NIPBL: variants seen among roughly 807,000 people sequenced by gnomAD.
NIPBL encodes NIPBL cohesin loading factor.
NIPBL carries 19 observed loss-of-function variants against 321.8 expected under a neutral mutation model. The observed-to-expected ratio is 0.06, with a 90% CI of 0.04 to 0.09. NIPBL has a LOEUF of 0.09. Among genes scored for constraint, NIPBL ranks in the 10% least tolerant of loss-of-function variants. The probability of loss-of-function intolerance (pLI) is 1.00; values close to 1 mark genes in which losing one functional copy is unlikely to be tolerated. For synonymous variants in NIPBL, 1,106 were observed against 1,114.1 expected (o/e 0.99, Z 0.14); for missense variants, 2,210 against 3,327.0 (o/e 0.66, Z 8.26).
At chr5:37,020,095 C>A (rs1304118894) in intron 25 of NIPBL, among the ~76,000 whole-genome samples, 1 of 152,126 alleles carries the variant, frequency 6.6e-6, no homozygotes, top group Non-Finnish European at 1.5e-5. Context: ...AAGTCTTCTA[C>A]CTTCAGCATT....
At chr5:37,029,196 A>G (rs192013033) in intron 32 of NIPBL, among the ~76,000 whole-genome samples, 2 of 152,332 alleles carry the variant, frequency 1.3e-5, no homozygotes, top group East Asian at 1.9e-4. Context: ...GTCCAACACA[A>G]TGAACATACA....
intron 23 of NIPBL, 70 bp from the exon 24 acceptor site, chr5:37,016,949 T>C: frequency 1.9e-6 from 2 of 1,077,732 alleles, no homozygotes; most frequent in Non-Finnish European, 2.6e-6. Flanking sequence ...ATTGGGAATT[T>C]ATATGATAAA....
chr5:37,044,423 G>A lies in NIPBL; in HGVS notation c.6185G>A (p.Ser2062Asn). Reference protein sequence around the residue: ...ELVVPLMEHPSETFLATIEED... With the variant: ...ELVVPLMEHPNETFLATIEED... ...GTTGTACCACTGATGGAGCATCCAA[G>A]TGAAACTTTTCTTGCCACTATTGAG... Residue 2062 changes from serine to asparagine, a missense_variant, in exon 35 of 47, where the codon AGT becomes AAT. Transcript: ENST00000282516. The A allele has an allele frequency of 6.2e-7, 1 of 1,614,010 alleles. No homozygotes were observed. The highest frequency in any genetic ancestry group is 8.5e-7 in the Non-Finnish European group (1 of 1,179,918).
In NIPBL at chr5:36,985,551, C is replaced by T. The variant is rs1422004883; in HGVS notation, c.2371C>T (p.Pro791Ser). ...KHKQDTKSDS[P>S]RLKSERAEAL... Reference sequence around the variant, plus strand: ...TAAACAAGATACTAAATCTGACTCACCTCGGTTAAAATCAGAACGAGCTGA... The same window carrying T: ...TAAACAAGATACTAAATCTGACTCATCTCGGTTAAAATCAGAACGAGCTGA... Residue 791 changes from proline (P) to serine (S), a missense_variant, in exon 10 of 47, where the codon CCT becomes TCT. Physicochemically the swap from Pro to Ser is moderately conservative, Grantham distance 74 (BLOSUM62 -1). Transcript: ENST00000282516. The T allele has an allele frequency of 1.2e-6, 2 of 1,613,778 alleles. No homozygotes were observed. Among genetic ancestry groups the T allele is most frequent in the South Asian group, 1.1e-5 (1 of 91,080 alleles).
In NIPBL at chr5:36,933,180, A is replaced by T. The variant is rs1749911693; in HGVS notation, c.-79-20438A>T. ...TTTTAAAAACATACTGTTTTTTAAAAATGTACTGTTTTTAAAATCCTAATT... is the reference window on the plus strand; with the variant it reads ...TTTTAAAAACATACTGTTTTTTAAATATGTACTGTTTTTAAAATCCTAATT... On this transcript the variant is annotated intron_variant, in intron 1 of 46. Transcript: ENST00000282516. Among the ~76,000 whole-genome samples the T allele has an allele frequency of 2.0e-5, 3 of 152,204 alleles. No homozygotes were observed. In the South Asian group the frequency reaches 6.2e-4, roughly 32 times the overall value.
chr5:37,010,004 G>A (rs1424681753), intron 20 of NIPBL, 83 bp from the exon 21 acceptor site: 2 of 1,054,666 alleles, frequency 1.9e-6, no homozygotes, highest in Non-Finnish European at 2.9e-6. Flanking sequence ...GGCAAACACA[G>A]TATCGTGAAA....
At chr5:37,014,811 G>A in intron 22 of NIPBL, 46 bp downstream of exon 22, 1 of 1,098,502 alleles carries the variant, frequency 9.1e-7, no homozygotes. Flanking sequence ...CCACAGTATA[G>A]AGAATAGTTC....
chr5:37,018,041 T>C (rs556388245), intron 24 of NIPBL, among the ~76,000 whole-genome samples: 6 of 152,288 alleles, frequency 3.9e-5, no homozygotes, highest in African/African-American at 1.4e-4. Flanking sequence ...TTTCCAAGTA[T>C]GATCCCCTTG....
chr5:37,038,380 A>G (rs1018985582), intron 33 of NIPBL, among the ~76,000 whole-genome samples: 3 of 150,624 alleles, frequency 2.0e-5, no homozygotes. Flanking sequence ...CTTGCCTTCT[A>G]TAGAGAGCAT....
At chr5:37,061,653 T>G (rs991815960) in intron 45 of NIPBL, among the ~76,000 whole-genome samples, 1 of 152,108 alleles carries the variant, frequency 6.6e-6, no homozygotes, top group Non-Finnish European at 1.5e-5. Flanking sequence ...CACCCCATAC[T>G]GGGTGACAGG....
intron 1 of NIPBL, among the ~76,000 whole-genome samples, chr5:36,919,115 T>C (rs1019961267): frequency 1.3e-5 from 2 of 152,180 alleles, no homozygotes; most frequent in African/African-American, 4.8e-5. Context: ...AGCTCCTCCT[T>C]GTACCTCTGG....
At chr5:36,918,353 G>A (rs1748642841) in intron 1 of NIPBL, among the ~76,000 whole-genome samples, 1 of 152,126 alleles carries the variant, frequency 6.6e-6, no homozygotes, top group African/African-American at 2.4e-5. Flanking sequence ...AAGAATGCTT[G>A]TGATTTTTGC....
At chr5:36,903,477 T>G (rs752030428) in intron 1 of NIPBL, among the ~76,000 whole-genome samples, 7 of 152,192 alleles carry the variant, frequency 4.6e-5, no homozygotes, top group Non-Finnish European at 1.0e-4. Flanking sequence ...ATTATTTTCA[T>G]ATTGTAATTA....
At chr5:37,007,300 A>C in intron 17 of NIPBL, 23 bp from the exon 18 acceptor site, 2 of 1,602,922 alleles carry the variant, frequency 1.2e-6, no homozygotes, top group Non-Finnish European at 1.7e-6. Context: ...TGTTTTCCTT[A>C]TCTTGAATTT....
At chr5:37,010,311 CT>C (rs1005849836) in intron 21 of NIPBL, 86 bp downstream of exon 21, 111 of 1,126,378 alleles carry the variant, frequency 9.9e-5, no homozygotes, top group Middle Eastern at 8.6e-4. Flanking sequence ...AACTGAAGTT[CT>C]TTTTTTTTCT....
rs1580319373 is a variant in NIPBL, at chr5:36,953,760, C to T, written c.64C>T (p.Leu22Phe). Reference protein sequence around the residue: ...TLAGIASLTDLLNQLPLPSPL... With the variant: ...TLAGIASLTDFLNQLPLPSPL... ...TGCGGGGATTGCTAGTCTCACAGAC[C>T]GTAAGTTTGGTTAATTTATCTAATT... Residue 22 changes from leucine to phenylalanine, a missense_variant and splice_region_variant, in exon 2 of 47, where the codon CTC becomes TTC. Transcript: ENST00000282516. 4.3e-6 allele frequency: 7 copies of T among 1,611,024 alleles called. No homozygotes were observed. Among genetic ancestry groups the T allele is most frequent in the African/African-American group, 2.7e-5 (2 of 74,766 alleles).
chr5:37,020,785 G>C lies in NIPBL; in HGVS notation c.5236G>C (p.Asp1746His). ...GACTTTTTGTTGCAGGATGAACTCT[G>C]ATACTGTGGACTATGATGATGCTTG... is the stretch of plus-strand genomic sequence containing the variant. ...SQFSTLKMNS[D>H]TVDYDDACLI... Residue 1746 changes from aspartate to histidine, a missense_variant, in exon 27 of 47, where the codon GAT becomes CAT. Coordinates refer to ENST00000282516, the MANE Select transcript of NIPBL (RefSeq NM_133433.4). 1 of 1,613,968 alleles carries C rather than the reference G, an allele frequency of 6.2e-7. No individual in the cohort carries two copies. Among genetic ancestry groups the C allele is most frequent in the African/African-American group, 1.3e-5 (1 of 75,062 alleles).
At chr5:36,903,730 A>G (rs528632931) in intron 1 of NIPBL, among the ~76,000 whole-genome samples, 5 of 152,340 alleles carry the variant, frequency 3.3e-5, no homozygotes, top group African/African-American at 1.2e-4. Flanking sequence ...TTGTGATTTT[A>G]GGCTACTTCT....
intron 1 of NIPBL, among the ~76,000 whole-genome samples, chr5:36,938,772 AT>A (rs1439554457): frequency 3.3e-5 from 5 of 152,162 alleles, no homozygotes; most frequent in African/African-American, 4.8e-5. Flanking sequence ...CAATAATACA[AT>A]TTTACATAAC....
Sources: gnomAD v4.1 joint callset for allele counts (sites outside exome capture counted in the v4.1 genomes callset) on GRCh38, gnomAD v4.1.1 for gene constraint, MANE v1.5 for transcripts, NCBI Gene and HGNC (gene_info 2026-07-23, HGNC 2026-07-21) for gene names.